FSIP2: variants seen among roughly 807,000 people sequenced by gnomAD.
FSIP2 encodes fibrous sheath-interacting protein 2.
Under a neutral mutation model 510.5 loss-of-function variants are expected in FSIP2, and 367 were observed. The observed-to-expected ratio is 0.72, with a 90% CI of 0.66 to 0.78. FSIP2 has a LOEUF of 0.78. FSIP2 is among the 30% of genes least tolerant of loss of function. The pLI is 0.00. For synonymous variants in FSIP2, 2,601 were observed against 2,732.2 expected (o/e 0.95, Z 1.50); for missense variants, 7,594 against 7,901.7 (o/e 0.96, Z 1.48).
chr2:185,788,607 T>A, intron 15 of FSIP2, 36 bp from the exon 16 acceptor site: 1 of 1,400,982 alleles, frequency 7.1e-7, no homozygotes, highest in Non-Finnish European at 9.3e-7. Flanking sequence ...AGTTGTTACA[T>A]GACTTTATTT....
chr2:185,797,541 A>G lies in FSIP2; in HGVS notation c.10390+15A>G. The G allele has an allele frequency of 6.8e-7, 1 of 1,479,342 alleles. No individual in the cohort carries two copies. The allele number at this position is 1,479,342 out of a possible 1,614,324, so 91.6% of individuals were successfully genotyped here. A position where few individuals can be genotyped will look rare whatever the true frequency, so the allele number is the denominator to read the frequency against. ...TGAAACTACAGGTAAGCAAGAGAGA[A>G]CGTACCTAAAAATTTGCATGATTTA... is the stretch of plus-strand genomic sequence containing the variant. On this transcript the variant is annotated intron_variant, in intron 16 of 22. Coordinates refer to ENST00000424728, the MANE Select transcript of FSIP2 (RefSeq NM_173651.4).
rs1693190346 is a variant in FSIP2, at chr2:185,793,533, A to G, written c.6397A>G (p.Met2133Val). 6.5e-7 allele frequency: 1 copy of G among 1,534,284 alleles called. No homozygotes were observed. Among genetic ancestry groups the G allele is most frequent in the Non-Finnish European group, 8.7e-7 (1 of 1,145,610 alleles). The change falls in exon 16 of 23, where the codon ATG becomes GTG. Residue 2133 changes from methionine to valine, a missense_variant. Physicochemically the swap from Met to Val is conservative, Grantham distance 21. Transcript: ENST00000424728. Reference protein sequence around the residue: ...ADKHSEENSEMFMEGANKIIP... With the variant: ...ADKHSEENSEVFMEGANKIIP... The stretch of plus-strand genomic sequence containing the variant: ...TAAACATTCAGAAGAAAATTCTGAA[A>G]TGTTCATGGAGGGTGCAAATAAGAT...
intron 13 of FSIP2, among the ~76,000 whole-genome samples, chr2:185,781,399 T>A (rs181638745): frequency 1.3e-5 from 2 of 152,332 alleles, no homozygotes; most frequent in Non-Finnish European, 2.9e-5. Flanking sequence ...AGGTTAGGTG[T>A]ATTAAATGCA....
Position 185,808,704 on chromosome 2 carries a change from A to G in FSIP2, c.19398A>G (p.Pro6466=). The change falls in exon 17 of 23, where the codon CCA becomes CCG. Residue 6466 remains proline (P), a synonymous_variant. Coordinates refer to ENST00000424728, the MANE Select transcript of FSIP2 (RefSeq NM_173651.4). ...TTATTGATGGAGTTTCAAGTTTTCC[A>G]TTAGATACAATTAACTCAACAATTT... ...SLIIDGVSSF[P]LDTINSTISN... 7 of 1,611,664 alleles carry G rather than the reference A, an allele frequency of 4.3e-6. No homozygotes were observed. The highest frequency in any genetic ancestry group is 1.1e-5 in the South Asian group (1 of 90,818).
In FSIP2 at chr2:185,751,376, C is replaced by T. The variant is rs574253330; in HGVS notation, c.871-2346C>T. On this transcript the variant is annotated intron_variant, in intron 7 of 22. Transcript: ENST00000424728. The stretch of plus-strand genomic sequence containing the variant: ...ATTACATGTAATATTAACATTGCCA[C>T]TTCAGCTTTACTTTGATTACTGTTA... Among the ~76,000 whole-genome samples, 162 of 151,252 alleles carry T rather than the reference C, an allele frequency of 1.1e-3. 2 individuals carry two copies. In the Middle Eastern group the frequency reaches 0.034, roughly 32 times the overall value.
At chr2:185,750,950 C>A (rs1692133937) in intron 7 of FSIP2, among the ~76,000 whole-genome samples, 1 of 151,346 alleles carries the variant, frequency 6.6e-6, no homozygotes, top group Non-Finnish European at 1.5e-5. Context: ...AGAGAAAAGA[C>A]TTTTATTTCC....
chr2:185,758,562 A>G (rs1052267210), intron 9 of FSIP2, among the ~76,000 whole-genome samples: 1 of 151,266 alleles, frequency 6.6e-6, no homozygotes, highest in Non-Finnish European at 1.5e-5. Context: ...TTAAGTGAAA[A>G]TGGATCATCG....
At chr2:185,810,856 G>A (rs1693713682) in intron 17 of FSIP2, among the ~76,000 whole-genome samples, 1 of 152,000 alleles carries the variant, frequency 6.6e-6, no homozygotes, top group Non-Finnish European at 1.5e-5. Flanking sequence ...ATGGTAATAT[G>A]GACTATGAAG....
At chr2:185,798,236 T>G (rs1224155451) in intron 16 of FSIP2, among the ~76,000 whole-genome samples, 2 of 151,838 alleles carry the variant, frequency 1.3e-5, no homozygotes, top group African/African-American at 4.8e-5. Flanking sequence ...GTCATTTAAT[T>G]TTTGTATTCT....
rs74832942 is a variant in FSIP2, at chr2:185,816,724, C to T, written c.20426+1253C>T. On this transcript the variant is annotated intron_variant, in intron 19 of 22. Coordinates refer to ENST00000424728, the MANE Select transcript of FSIP2 (RefSeq NM_173651.4). ...ATAATAAAAAATTAGCTGGAATGGTCATGTGCACCTAGTCCTAGCTACTCA... is the reference window on the plus strand; with the variant it reads ...ATAATAAAAAATTAGCTGGAATGGTTATGTGCACCTAGTCCTAGCTACTCA... Among the ~76,000 whole-genome samples the T allele has an allele frequency of 6.9e-3, 1,049 of 151,734 alleles. 18 individuals carry two copies. Among genetic ancestry groups the T allele is most frequent in the African/African-American group, 0.024 (1,014 of 41,430 alleles).
intron 7 of FSIP2, among the ~76,000 whole-genome samples, chr2:185,753,268 G>T (rs1273173341): frequency 6.6e-6 from 1 of 151,170 alleles, no homozygotes; most frequent in Non-Finnish European, 1.5e-5. Context: ...AATCTCTGGG[G>T]TTCATTCTGT....
intron 19 of FSIP2, among the ~76,000 whole-genome samples, chr2:185,820,275 C>A: frequency 6.6e-6 from 1 of 151,498 alleles, no homozygotes; most frequent in East Asian, 2.0e-4. Context: ...TTCCTGCCAC[C>A]TGGTGAAGAA....
chr2:185,738,381 C>T, upstream of FSIP2: 1 of 529,658 alleles, frequency 1.9e-6, no homozygotes, highest in African/African-American at 1.9e-5. Flanking sequence ...AGGAGGAAGG[C>T]AATGAGCCCC....
intron 19 of FSIP2, among the ~76,000 whole-genome samples, chr2:185,818,326 G>T (rs183323284): frequency 2.6e-5 from 4 of 151,930 alleles, no homozygotes; most frequent in African/African-American, 7.2e-5. Context: ...ATGCCTAAGG[G>T]ATTTTTGAAA....
In FSIP2 at chr2:185,804,791, TAAAAG is replaced by T; in HGVS notation, c.15489_15493del (p.Lys5163AsnfsTer3). The T allele has an allele frequency of 1.3e-6, 2 of 1,532,782 alleles. No homozygotes were observed. Among genetic ancestry groups the T allele is most frequent in the Non-Finnish European group, 1.7e-6 (2 of 1,144,752 alleles). The allele number at this position is 1,532,782 out of a possible 1,614,324, so 94.9% of individuals were successfully genotyped here. ...GCTTCAAAATTGACTGATGAAATTATAAAAGAAATTTCTGAACATGAGATTCGACT... is the reference window on the plus strand; with the variant it reads ...GCTTCAAAATTGACTGATGAAATTATAAATTTCTGAACATGAGATTCGACT... On this transcript the variant is annotated frameshift_variant, in exon 17 of 23. Transcript: ENST00000424728. LOFTEE classifies it high-confidence loss of function.
Position 185,747,338 on chromosome 2 carries a change from T to C in FSIP2, c.785T>C (p.Leu262Pro). The C allele has an allele frequency of 6.5e-7, 1 of 1,530,726 alleles. No individual in the cohort carries two copies. The highest frequency in any genetic ancestry group is 2.5e-5 in the East Asian group (1 of 40,780). 94.8% of individuals were successfully genotyped at this position (1,530,726 alleles called of 1,614,324 possible). A position where few individuals can be genotyped will look rare whatever the true frequency, so the allele number is the denominator to read the frequency against. ...GAATGGAAGACAAAAGAGATGTTAC[T>C]TCTGACAAGGATGGCAGAAGATGTT... is the stretch of plus-strand genomic sequence containing the variant. ...EEEWKTKEML[L>P]LTRMAEDVKR... The change falls in exon 7 of 23, where the codon CTT becomes CCT. Residue 262 changes from leucine to proline, a missense_variant. Coordinates refer to ENST00000424728, the MANE Select transcript of FSIP2 (RefSeq NM_173651.4).
chr2:185,741,928 C>T (rs1163538315), intron 2 of FSIP2, among the ~76,000 whole-genome samples: 1 of 152,148 alleles, frequency 6.6e-6, no homozygotes, highest in African/African-American at 2.4e-5. Flanking sequence ...TGGACTGCAA[C>T]TGTGGTTACG....
Position 185,746,801 on chromosome 2 carries a change from A to G in FSIP2, c.750A>G (p.Lys250=). 6.6e-7 allele frequency: 1 copy of G among 1,513,018 alleles called. No homozygotes were observed. The highest frequency in any genetic ancestry group is 2.2e-5 in the Admixed American group (1 of 44,858). The allele number at this position is 1,513,018 out of a possible 1,614,324, so 93.7% of individuals were successfully genotyped here. Residue 250 remains lysine (K), a synonymous_variant, in exon 6 of 23, where the codon AAA becomes AAG. Coordinates refer to ENST00000424728, the MANE Select transcript of FSIP2 (RefSeq NM_173651.4). ...HTRRKLTLRR[K]IEEEWKTKEM... ...GAAGAAAACTTACTCTTCGTAGAAAAATAGAAGAGGTGAGAGACAACAACT... is the reference window on the plus strand; with the variant it reads ...GAAGAAAACTTACTCTTCGTAGAAAGATAGAAGAGGTGAGAGACAACAACT...
intron 8 of FSIP2, 117 bp downstream of exon 8, chr2:185,753,959 G>T: frequency 1.6e-6 from 1 of 636,466 alleles, no homozygotes; most frequent in Non-Finnish European, 2.4e-6. Flanking sequence ...GCCAGACATT[G>T]TTCTAGGCAT....
Sources: gnomAD v4.1 joint callset for allele counts (sites outside exome capture counted in the v4.1 genomes callset) on GRCh38, gnomAD v4.1.1 for gene constraint, MANE v1.5 for transcripts, NCBI Gene and HGNC (gene_info 2026-07-23, HGNC 2026-07-21) for gene names.